Variants in FAM53A observed in about 807,000 individuals in gnomAD.
FAM53A encodes the protein family with sequence similarity 53 member A.
In FAM53A, 28 loss-of-function variants were observed where a neutral mutation model predicts 26.6. That is an observed-to-expected ratio of 1.05 (90% CI 0.78 to 1.45). FAM53A has a LOEUF of 1.45. FAM53A is among the 40% of genes most tolerant of loss of function. The pLI is 0.00. For missense variants in FAM53A, 650 were observed against 575.8 expected (o/e 1.13, Z -1.32); for synonymous variants, 290 against 253.1 (o/e 1.15, Z -1.38).
At position 1,629,945 on chromosome 4, in the gene FAM53A, C is replaced by A. The variant is rs370801677; in HGVS notation, c.432-11834G>T. 5.9e-5 allele frequency among the ~76,000 whole-genome samples: 9 copies of A among 152,230 alleles called. No homozygotes were observed. The South Asian group carries it at 1.4e-3, about 25-fold the overall frequency. ...TAAAGCTGTGGTTTATTCAGATGGG[C>A]CCTGGCCTGAGCAGATGCCGGATGG... On this transcript the variant is annotated intron_variant, in intron 1 of 1. Transcript: ENST00000489029.
In FAM53A at chr4:1,640,144, A is replaced by C. The variant is rs1412975096; in HGVS notation, c.*1149T>G. ...AGCCTTCCCAGAGGTCTGGCACTAC[A>C]CCCCACCTGAAGGTGCAAGGGCCCT... On this transcript the variant is annotated 3_prime_UTR_variant, in exon 5 of 5. Transcript: ENST00000308132. The C allele has an allele frequency of 1.3e-5, 2 of 156,636 alleles. No individual in the cohort carries two copies. The highest frequency in any genetic ancestry group is 2.8e-5 in the Non-Finnish European group (2 of 71,610). The allele number at this position is 156,636 out of a possible 1,614,324, so 9.7% of individuals were successfully genotyped here.
chr4:1,634,615 G>A (rs915965906), intron 1 of FAM53A, among the ~76,000 whole-genome samples: 2 of 152,128 alleles, frequency 1.3e-5, no homozygotes, highest in Admixed American at 6.5e-5. Context: ...AATCATCTGG[G>A]GGCCAGGCAT....
At chr4:1,600,759 C>G in the FAM53A span, among the ~76,000 whole-genome samples, 1 of 152,164 alleles carries the variant, frequency 6.6e-6, no homozygotes, top group Non-Finnish European at 1.5e-5. Flanking sequence ...CAGGCTCAAG[C>G]GATCCTCCTG....
the FAM53A span, among the ~76,000 whole-genome samples, chr4:1,574,890 GC>G: frequency 6.6e-6 from 1 of 152,254 alleles, no homozygotes; most frequent in Non-Finnish European, 1.5e-5. Context: ...CTCGGCTATG[GC>G]AAGCTTTCAT....
intron 4 of FAM53A, among the ~76,000 whole-genome samples, chr4:1,652,577 C>T (rs1015157553): frequency 1.3e-5 from 2 of 149,110 alleles, no homozygotes; most frequent in African/African-American, 5.0e-5. Context: ...ACACCACACA[C>T]AGGCCACACA....
At chr4:1,575,306 G>GCCCC in the FAM53A span, among the ~76,000 whole-genome samples, 1 of 152,198 alleles carries the variant, frequency 6.6e-6, no homozygotes, top group African/African-American at 2.4e-5. Flanking sequence ...AGTCTCTCTG[G>GCCCC]CCCCCAACCT....
At chr4:1,580,410 G>A in the FAM53A span, among the ~76,000 whole-genome samples, 454 of 152,300 alleles carry the variant, frequency 3.0e-3, no homozygotes, top group African/African-American at 0.011. Flanking sequence ...GGGATGTGAG[G>A]GCAGCTCAGA....
chr4:1,588,864 C>T, the FAM53A span, among the ~76,000 whole-genome samples: 4 of 152,278 alleles, frequency 2.6e-5, no homozygotes, highest in East Asian at 1.9e-4. Flanking sequence ...TTTGCTAAAT[C>T]GTTTTATAAG....
chr4:1,646,360 A>G (rs1233055011), intron 4 of FAM53A, among the ~76,000 whole-genome samples: 1 of 152,156 alleles, frequency 6.6e-6, no homozygotes, highest in East Asian at 1.9e-4. Context: ...CGGCCTCCCA[A>G]AGTGCTGGGA....
downstream of FAM53A, among the ~76,000 whole-genome samples, chr4:1,614,769 A>G (rs1484548796): frequency 1.3e-5 from 2 of 152,168 alleles, no homozygotes; most frequent in Non-Finnish European, 2.9e-5. Context: ...CCCTATTCAC[A>G]GACACCGCAC....
intron 4 of FAM53A, among the ~76,000 whole-genome samples, chr4:1,645,473 C>A (rs188109011): frequency 3.9e-5 from 6 of 152,380 alleles, no homozygotes; most frequent in African/African-American, 1.4e-4. Flanking sequence ...CCTGCTCAGA[C>A]AACCTGCTCG....
At chr4:1,681,977 G>A (rs183842519) in intron 1 of FAM53A, among the ~76,000 whole-genome samples, 6 of 152,324 alleles carry the variant, frequency 3.9e-5, no homozygotes, top group Non-Finnish European at 7.3e-5. Flanking sequence ...TCAGACACCA[G>A]TTGGGCCCAC....
chr4:1,677,345 G>A (rs1308303189), intron 1 of FAM53A, among the ~76,000 whole-genome samples: 1 of 152,156 alleles, frequency 6.6e-6, no homozygotes, highest in Non-Finnish European at 1.5e-5. Context: ...TGGACTCCGT[G>A]TCCCACGCTT....
chr4:1,653,865 G>C (rs1713090399), intron 4 of FAM53A, among the ~76,000 whole-genome samples: 1 of 152,240 alleles, frequency 6.6e-6, no homozygotes, highest in Non-Finnish European at 1.5e-5. Context: ...GCTGTGGCCA[G>C]GTCGAGGAGG....
At chr4:1,676,637 G>A (rs1407787500) in intron 1 of FAM53A, among the ~76,000 whole-genome samples, 2 of 152,062 alleles carry the variant, frequency 1.3e-5, no homozygotes, top group Non-Finnish European at 2.9e-5. Context: ...CTTCAGCCCT[G>A]TCCTTGGGTA....
chr4:1,639,763 GCCACCTTTGC>G (rs1711520603), downstream of FAM53A: 1 of 152,204 alleles, frequency 6.6e-6, no homozygotes, highest in Admixed American at 6.6e-5. Context: ...CACACCACTC[GCCACCTTTGC>G]CCACCTTTGA....
At chr4:1,606,035 T>C in the FAM53A span, among the ~76,000 whole-genome samples, 1 of 142,452 alleles carries the variant, frequency 7.0e-6, no homozygotes. Context: ...GGGTTTCCTA[T>C]GACTCTTTTT....
chr4:1,599,198 G>A, the FAM53A span, among the ~76,000 whole-genome samples: 6 of 149,846 alleles, frequency 4.0e-5, no homozygotes, highest in African/African-American at 1.2e-4. This position sits in a 1 kb window ranked among gnomAD's most constrained non-coding sequence, Gnocchi z 6.1. Flanking sequence ...GGACTTCGCC[G>A]AGGCCAGGGG....
intron 2 of FAM53A, among the ~76,000 whole-genome samples, chr4:1,660,681 G>T (rs1442498148): frequency 1.3e-5 from 2 of 152,124 alleles, no homozygotes; most frequent in African/African-American, 4.8e-5. Flanking sequence ...AAGATCAGGA[G>T]ATCGAGACCA....
Sources: gnomAD v4.1 joint callset for allele counts (sites outside exome capture counted in the v4.1 genomes callset) on GRCh38, gnomAD v4.1.1 for gene constraint, Gnocchi (gnomAD v3.1) non-coding constraint, MANE v1.5 for transcripts, NCBI Gene and HGNC (gene_info 2026-07-23, HGNC 2026-07-21) for gene names.